The following LIFR variants were observed in gnomAD, a reference collection of about 807,000 sequenced individuals.
LIFR encodes LIF receptor subunit alpha.
LIFR carries 84 observed loss-of-function variants against 122.2 expected under a neutral mutation model. The observed-to-expected ratio is 0.69, with a 90% CI of 0.58 to 0.82. The LOEUF is 0.82. Ranked by LOEUF, LIFR falls within the 40% of genes least tolerant of loss-of-function variation. The probability of loss-of-function intolerance (pLI) is 0.00; values close to 1 mark genes in which losing one functional copy is unlikely to be tolerated. For missense variants in LIFR, 1,294 were observed against 1,311.6 expected, an observed-to-expected ratio of 0.99 and a Z score of 0.21; for synonymous variants, 422 against 434.7, an observed-to-expected ratio of 0.97 and a Z score of 0.36.
chr5:38,488,394 C>T (rs1472705983), intron 16 of LIFR, among the ~76,000 whole-genome samples: 1 of 152,120 alleles, frequency 6.6e-6, no homozygotes, highest in Non-Finnish European at 1.5e-5. Flanking sequence ...GCGAGGTCAT[C>T]CAGGGACATG....
chr5:38,483,219 A>G (rs934410441), intron 18 of LIFR, among the ~76,000 whole-genome samples: 3 of 152,226 alleles, frequency 2.0e-5, no homozygotes, highest in Admixed American at 6.5e-5. Context: ...TCTTGACCGA[A>G]AACTAAACGC....
At chr5:38,506,746 T>C in intron 7 of LIFR, 114 bp from the exon 8 acceptor site, 1 of 870,566 alleles carries the variant, frequency 1.1e-6, no homozygotes, top group Non-Finnish European at 1.8e-6. Context: ...TAATTTACTA[T>C]TTACATTTTA....
At chr5:38,513,258 A>C (rs935077982) in intron 5 of LIFR, among the ~76,000 whole-genome samples, 5 of 152,234 alleles carry the variant, frequency 3.3e-5, no homozygotes, top group African/African-American at 1.2e-4. Flanking sequence ...ACCTGAGAAA[A>C]CAAAATCTTA....
intron 18 of LIFR, among the ~76,000 whole-genome samples, chr5:38,484,164 C>T (rs1212408521): frequency 6.6e-6 from 1 of 152,374 alleles, no homozygotes; most frequent in East Asian, 1.9e-4. Flanking sequence ...CGTGACGGGC[C>T]ATGGCCGACC....
intron 1 of LIFR, among the ~76,000 whole-genome samples, chr5:38,535,058 G>T (rs1358585008): frequency 6.6e-6 from 1 of 152,144 alleles, no homozygotes. Context: ...AGCTACTGCA[G>T]GACATGACTG....
At chr5:38,511,491 T>C (rs947408657) in intron 6 of LIFR, among the ~76,000 whole-genome samples, 3 of 151,882 alleles carry the variant, frequency 2.0e-5, no homozygotes, top group Admixed American at 6.6e-5. Flanking sequence ...TTTTTAAACA[T>C]AGATTTCATC....
At chr5:38,603,225 C>T (rs1036502847) in intron 2 of LIFR, among the ~76,000 whole-genome samples, 8 of 152,280 alleles carry the variant, frequency 5.3e-5, no homozygotes, top group Admixed American at 5.2e-4. Flanking sequence ...TAATAAACTT[C>T]CACTTCTACT....
intron 1 of LIFR, among the ~76,000 whole-genome samples, chr5:38,588,557 T>A (rs1233331944): frequency 6.6e-6 from 1 of 152,206 alleles, no homozygotes; most frequent in East Asian, 1.9e-4. Flanking sequence ...TTAAGTTAAA[T>A]GTTACATGTG....
At chr5:38,578,207 C>CTTTTTTTTTTTTTTTT (rs3079294) in intron 1 of LIFR, among the ~76,000 whole-genome samples, 9 of 123,462 alleles carry the variant, frequency 7.3e-5, no homozygotes, top group East Asian at 2.3e-4. Context: ...TTTTCTTTTT[C>CTTTTTTTTTTTTTTTT]TTTTTTTTTT....
At chr5:38,539,357 G>C (rs1206968591) in intron 1 of LIFR, among the ~76,000 whole-genome samples, 1 of 151,980 alleles carries the variant, frequency 6.6e-6, no homozygotes, top group Non-Finnish European at 1.5e-5. Context: ...ATCATACCAG[G>C]TATTATGGAA....
chr5:38,586,706 G>T (rs1314615170), intron 1 of LIFR, among the ~76,000 whole-genome samples: 3 of 152,074 alleles, frequency 2.0e-5, no homozygotes, highest in Non-Finnish European at 4.4e-5. Flanking sequence ...CACCTGGAGT[G>T]TAGCCAGACC....
intron 2 of LIFR, among the ~76,000 whole-genome samples, chr5:38,600,490 A>G (rs1422408690): frequency 2.6e-5 from 4 of 152,184 alleles, no homozygotes; most frequent in Admixed American, 1.3e-4. Context: ...CAAGTTGCCT[A>G]TAACTTCTGC....
chr5:38,493,275 C>T (rs184636633), intron 14 of LIFR, among the ~76,000 whole-genome samples: 3 of 152,116 alleles, frequency 2.0e-5, no homozygotes, highest in South Asian at 4.1e-4. Context: ...CTTAACATTC[C>T]ATTTTATAGG....
chr5:38,503,983 T>TA lies in LIFR; in HGVS notation c.1429_1430insT (p.Gln477LeufsTer38), dbSNP rs765602627. ...TCTTTAAGAGAATCTTACCTGCTCTTGTACTGAATTAGATTTCTTAATTTC... is the reference window on the plus strand; with the variant it reads ...TCTTTAAGAGAATCTTACCTGCTCTTAGTACTGAATTAGATTTCTTAATTTC... On this transcript the variant is annotated frameshift_variant, in exon 10 of 20. Transcript: ENST00000453190. LOFTEE classifies it high-confidence loss of function. The TA allele has an allele frequency of 1.3e-6, 2 of 1,570,488 alleles. No homozygotes were observed. Among genetic ancestry groups the TA allele is most frequent in the South Asian group, 2.2e-5 (2 of 89,878 alleles).
At chr5:38,485,749 A>G in intron 17 of LIFR, 70 bp downstream of exon 17, 1 of 1,572,448 alleles carries the variant, frequency 6.4e-7, no homozygotes. Context: ...GGGTTCCTAC[A>G]TAAACCAAGA....
At chr5:38,568,432 A>T (rs2112709755) in intron 1 of LIFR, among the ~76,000 whole-genome samples, 1 of 152,294 alleles carries the variant, frequency 6.6e-6, no homozygotes, top group Admixed American at 6.5e-5. Flanking sequence ...GCTGGAGTCC[A>T]GAAGCATGGG....
chr5:38,526,371 T>C (rs1476828682), intron 4 of LIFR, among the ~76,000 whole-genome samples: 5 of 152,024 alleles, frequency 3.3e-5, no homozygotes, highest in African/African-American at 9.7e-5. Flanking sequence ...TTAAAAATCT[T>C]ATGAAGAATT....
rs370678515 is a variant in LIFR, at chr5:38,506,667, A to C, written c.992-35T>G. 14 of 1,571,606 alleles carry C rather than the reference A, an allele frequency of 8.9e-6. No homozygotes were observed. In the African/African-American group the frequency reaches 1.9e-4, roughly 21 times the overall value. ...AAAAAATGCAGGTACTTATGATTAC[A>C]TATATTTTCCCTGAAAACATAATAT... On this transcript the variant is annotated intron_variant, in intron 7 of 19. Transcript: ENST00000453190.
intron 1 of LIFR, among the ~76,000 whole-genome samples, chr5:38,587,410 A>T (rs1749785595): frequency 3.3e-5 from 5 of 151,874 alleles, no homozygotes. Context: ...CTCCAGGCAG[A>T]TGAGACAAGA....
Sources: allele counts gnomAD v4.1 joint callset (sites outside exome capture counted in the v4.1 genomes callset), GRCh38; gene constraint gnomAD v4.1.1; transcripts MANE v1.5; gene names NCBI Gene and HGNC (gene_info 2026-07-23, HGNC 2026-07-21).